ANTXR1: variants seen among roughly 807,000 people sequenced by gnomAD.
The protein encoded by ANTXR1 is ANTXR cell adhesion molecule 1.
Under a neutral mutation model 78.1 loss-of-function variants are expected in ANTXR1, and 19 were observed. That is an observed-to-expected ratio of 0.24 (90% CI 0.17 to 0.36). The LOEUF (loss-of-function observed/expected upper bound fraction) is 0.36. ANTXR1 is among the 10% of genes least tolerant of loss of function. The pLI is 1.00. For synonymous variants in ANTXR1, 273 were observed against 260.5 expected, an observed-to-expected ratio of 1.05 and a Z score of -0.46; for missense variants, 518 against 718.6, an observed-to-expected ratio of 0.72 and a Z score of 3.19.
At chr2:69,141,891 A>AC (rs1446070692) in intron 12 of ANTXR1, among the ~76,000 whole-genome samples, 1 of 151,976 alleles carries the variant, frequency 6.6e-6, no homozygotes, top group Non-Finnish European at 1.5e-5. Flanking sequence ...CCCCACTGAT[A>AC]CCCCCAAATA....
intron 17 of ANTXR1, among the ~76,000 whole-genome samples, chr2:69,230,408 T>G (rs921662163): frequency 6.6e-6 from 1 of 152,082 alleles, no homozygotes; most frequent in Non-Finnish European, 1.5e-5. Flanking sequence ...TTCATTTGTA[T>G]GGCAAGTAGT....
intron 12 of ANTXR1, among the ~76,000 whole-genome samples, chr2:69,140,318 G>A (rs1361245415): frequency 6.6e-6 from 1 of 152,168 alleles, no homozygotes; most frequent in Non-Finnish European, 1.5e-5. Context: ...AGCAAACTAG[G>A]ATTTATACAT....
At chr2:69,168,283 T>C (rs865984216) in intron 13 of ANTXR1, among the ~76,000 whole-genome samples, 2 of 152,236 alleles carry the variant, frequency 1.3e-5, no homozygotes, top group Admixed American at 1.3e-4. Context: ...ACCTACTCAC[T>C]ACCAGATGCT....
chr2:69,151,361 C>T (rs955456853), intron 12 of ANTXR1, among the ~76,000 whole-genome samples: 1 of 151,990 alleles, frequency 6.6e-6, no homozygotes, highest in Admixed American at 6.6e-5. Context: ...CTGATTTGCA[C>T]TCCCAGTAGC....
intron 13 of ANTXR1, among the ~76,000 whole-genome samples, chr2:69,160,312 C>G (rs1202310436): frequency 6.6e-6 from 1 of 152,130 alleles, no homozygotes; most frequent in African/African-American, 2.4e-5. Flanking sequence ...CTTATGCCTG[C>G]CGGTGAAATG....
chr2:69,096,636 A>G (rs1362802718), intron 9 of ANTXR1, among the ~76,000 whole-genome samples: 1 of 152,116 alleles, frequency 6.6e-6, no homozygotes, highest in East Asian at 1.9e-4. Flanking sequence ...TCTGATCTGC[A>G]TATATATTCT....
intron 17 of ANTXR1, among the ~76,000 whole-genome samples, chr2:69,210,386 G>A (rs1242137587): frequency 6.6e-6 from 1 of 152,202 alleles, no homozygotes; most frequent in African/African-American, 2.4e-5. Flanking sequence ...CATTCAAGGT[G>A]AATAAGGAGG....
At chr2:69,177,619 C>T (rs774003297) in intron 14 of ANTXR1, among the ~76,000 whole-genome samples, 7 of 152,200 alleles carry the variant, frequency 4.6e-5, no homozygotes, top group Non-Finnish European at 8.8e-5. Context: ...CCTCCCCAAT[C>T]CCTGCGGTTT....
At chr2:69,040,693 A>G (rs1281197535) in intron 2 of ANTXR1, among the ~76,000 whole-genome samples, 1 of 152,156 alleles carries the variant, frequency 6.6e-6, no homozygotes, top group Non-Finnish European at 1.5e-5. Flanking sequence ...TGCAAATATC[A>G]TGGGAGTCTT....
At position 69,094,816 on chromosome 2, in the gene ANTXR1, A is replaced by G. The variant is rs117785843; in HGVS notation, c.703+3897A>G. Among the ~76,000 whole-genome samples, 234 of 152,382 alleles carry G rather than the reference A, an allele frequency of 1.5e-3. 3 individuals carry two copies. The East Asian group carries it at 0.039, about 25-fold the overall frequency. On this transcript the variant is annotated intron_variant, in intron 9 of 17. Transcript: ENST00000303714. The stretch of plus-strand genomic sequence containing the variant: ...GCTGCACATAACAAGGTGTAATTTA[A>G]TGGGACAAATATAAAGCGTTGAACT...
At chr2:69,176,311 G>A (rs1188466121) in intron 14 of ANTXR1, among the ~76,000 whole-genome samples, 2 of 152,176 alleles carry the variant, frequency 1.3e-5, no homozygotes, top group Non-Finnish European at 2.9e-5. Flanking sequence ...TGTGAAATGC[G>A]GCTCAGAATG....
intron 9 of ANTXR1, among the ~76,000 whole-genome samples, chr2:69,095,217 T>C (rs1417676100): frequency 6.6e-6 from 1 of 152,230 alleles, no homozygotes; most frequent in Non-Finnish European, 1.5e-5. Context: ...TTTTCTTTCT[T>C]CTTTCCCTCT....
intron 16 of ANTXR1, among the ~76,000 whole-genome samples, chr2:69,190,834 T>C (rs1184159193): frequency 6.6e-6 from 1 of 152,214 alleles, no homozygotes; most frequent in Non-Finnish European, 1.5e-5. Flanking sequence ...CATGTAACTT[T>C]AAATTTCTGC....
At chr2:69,238,572 T>C (rs939340865) in intron 17 of ANTXR1, among the ~76,000 whole-genome samples, 1 of 152,222 alleles carries the variant, frequency 6.6e-6, no homozygotes, top group Admixed American at 6.5e-5. Flanking sequence ...AATATGTCGA[T>C]GAGGTTTTGT....
chr2:69,107,402 G>T (rs1459578892), intron 10 of ANTXR1, among the ~76,000 whole-genome samples: 1 of 152,094 alleles, frequency 6.6e-6, no homozygotes, highest in East Asian at 1.9e-4. Context: ...ACCACACCTG[G>T]CTAATTTTTG....
At chr2:69,190,207 C>T (rs1401492202) in intron 16 of ANTXR1, among the ~76,000 whole-genome samples, 1 of 152,184 alleles carries the variant, frequency 6.6e-6, no homozygotes, top group Non-Finnish European at 1.5e-5. Context: ...AGGCCCAGCA[C>T]AGCGGATCTC....
intron 10 of ANTXR1, among the ~76,000 whole-genome samples, chr2:69,120,112 A>G (rs62134399): frequency 0.29 from 43,736 of 152,172 alleles, 7,345 homozygotes; most frequent in African/African-American, 0.46. Flanking sequence ...TACCTTAAAC[A>G]TGTTCGAAAC....
chr2:69,213,955 A>G (rs1164017150), intron 17 of ANTXR1, among the ~76,000 whole-genome samples: 3 of 152,190 alleles, frequency 2.0e-5, no homozygotes, highest in Non-Finnish European at 4.4e-5. Context: ...GGGGCATGGG[A>G]GGGGGTCAGC....
intron 1 of ANTXR1, among the ~76,000 whole-genome samples, chr2:69,019,785 A>G (rs1021427361): frequency 2.8e-5 from 4 of 144,972 alleles, no homozygotes; most frequent in African/African-American, 1.1e-4. Flanking sequence ...CTATGTGTCC[A>G]TGTGTTCTCA....
Sources: gnomAD v4.1 joint callset for allele counts (sites outside exome capture counted in the v4.1 genomes callset) on GRCh38, gnomAD v4.1.1 for gene constraint, MANE v1.5 for transcripts, NCBI Gene and HGNC (gene_info 2026-07-23, HGNC 2026-07-21) for gene names.